The following C16orf96 variants were observed in gnomAD, a reference collection of about 807,000 sequenced individuals.
C16orf96 encodes uncharacterized protein C16orf96.
A neutral mutation model predicts 103.6 loss-of-function variants in C16orf96; 108 were observed. The observed-to-expected ratio is 1.04, with a 90% confidence interval of 0.89 to 1.22. C16orf96 has a LOEUF of 1.22. Among genes scored for constraint, C16orf96 ranks in the 50% most tolerant of loss-of-function variants. C16orf96 has a pLI of 0.00. For synonymous variants in C16orf96, 566 were observed against 593.5 expected, an observed-to-expected ratio of 0.95 and a Z score of 0.67; for missense variants, 1,586 against 1,464.2, an observed-to-expected ratio of 1.08 and a Z score of -1.36.
upstream of C16orf96, among the ~76,000 whole-genome samples, chr16:4,552,888 G>T (rs1596507991): frequency 6.6e-6 from 1 of 152,136 alleles, no homozygotes; most frequent in Non-Finnish European, 1.5e-5. Flanking sequence ...TGGTTACAGT[G>T]TTAACATTTA....
At chr16:4,598,731 C>T (rs529879322) in intron 14 of C16orf96, among the ~76,000 whole-genome samples, 184 of 152,336 alleles carry the variant, frequency 1.2e-3, no homozygotes, top group Non-Finnish European at 2.3e-3. Flanking sequence ...CTGTGTCTTA[C>T]TGTGCTGAAA....
Position 4,595,230 on chromosome 16 carries a change from G to A in C16orf96, c.3127+427G>A, listed in dbSNP as rs369612266. Among the ~76,000 whole-genome samples the A allele has an allele frequency of 2.6e-5, 4 of 152,172 alleles. No homozygotes were observed. The East Asian group carries it at 7.7e-4, about 29-fold the overall frequency. On this transcript the variant is annotated intron_variant, in intron 14 of 15. Coordinates refer to ENST00000444310, the MANE Select transcript of C16orf96 (RefSeq NM_001145011.2). The stretch of plus-strand genomic sequence containing the variant: ...AGGAGAGTGGTCGTGTGGCAGGAAC[G>A]GTGGGTGCAAAGGCCCTGTGGTGGG...
chr16:4,548,680 C>T, the C16orf96 span, among the ~76,000 whole-genome samples: 1 of 152,074 alleles, frequency 6.6e-6, no homozygotes, highest in Non-Finnish European at 1.5e-5. Context: ...TGAGACCAGC[C>T]TGGCCAACAT....
chr16:4,551,559 C>G (rs755061184), upstream of C16orf96, among the ~76,000 whole-genome samples: 62 of 152,084 alleles, frequency 4.1e-4, 1 homozygote, highest in Admixed American at 7.2e-4. Flanking sequence ...TCACGCCATT[C>G]TCTTGCCTCA....
chr16:4,575,911 G>A lies in C16orf96; in HGVS notation c.1431G>A (p.Gly477=). Reference sequence around the variant, plus strand: ...TTCGGGAGAGGGCCCGCAAGGATGGGGCCCCCAAGGATAGAACTCGCAAGG... The same window carrying A: ...TTCGGGAGAGGGCCCGCAAGGATGGAGCCCCCAAGGATAGAACTCGCAAGG... ...RGLRERARKD[G]APKDRTRKDG... Residue 477 remains glycine (G), a synonymous_variant, in exon 5 of 16, where the codon GGG becomes GGA. Transcript: ENST00000444310. The A allele has an allele frequency of 6.4e-7, 1 of 1,551,594 alleles. No individual in the cohort carries two copies. The highest frequency in any genetic ancestry group is 8.7e-7 in the Non-Finnish European group (1 of 1,146,992).
In C16orf96 at chr16:4,585,278, A is replaced by ACCCC. The variant is rs149402917; in HGVS notation, c.2353-1760_2353-1757dup. The stretch of plus-strand genomic sequence containing the variant: ...GATCAGCCTGAGGCAACATAGTGAG[A>ACCCC]CCCCTGTCTCTACAAAAAAAAAAAA... On this transcript the variant is annotated intron_variant, in intron 7 of 15. Coordinates refer to ENST00000444310, the MANE Select transcript of C16orf96 (RefSeq NM_001145011.2). 8.7e-3 allele frequency among the ~76,000 whole-genome samples: 932 copies of ACCCC among 106,560 alleles called. 6 individuals carry two copies. Among genetic ancestry groups the ACCCC allele is most frequent in the Middle Eastern group, 0.069 (8 of 116 alleles). 69.9% of individuals were successfully genotyped at this position (106,560 alleles called of 152,430 possible). A position where few individuals can be genotyped will look rare whatever the true frequency, so the allele number is the denominator to read the frequency against.
At chr16:4,587,208 C>T (rs1289732042) in intron 8 of C16orf96, 95 bp downstream of exon 8, 1 of 1,192,386 alleles carries the variant, frequency 8.4e-7, no homozygotes, top group Non-Finnish European at 1.2e-6. Context: ...TCCAGAATTT[C>T]CCTCCCCCTT....
upstream of C16orf96, among the ~76,000 whole-genome samples, chr16:4,551,745 CCT>C (rs2059229400): frequency 6.6e-6 from 1 of 152,160 alleles, no homozygotes; most frequent in African/African-American, 2.4e-5. Context: ...AGCCACCGCG[CCT>C]GGCCATTTGT....
Position 4,576,620 on chromosome 16 carries a change from C to A in C16orf96, c.2140C>A (p.Arg714Ser). ...CCAGCTGTCCTGTAACCTGAACCAGCGCTTGAGTTATCTAGGTAGGCCTGG... is the reference window on the plus strand; with the variant it reads ...CCAGCTGTCCTGTAACCTGAACCAGAGCTTGAGTTATCTAGGTAGGCCTGG... ...FAQLSCNLNQ[R>S]LSYLANMGGP... The change falls in exon 5 of 16, where the codon CGC (arginine) becomes AGC (serine). Residue 714 changes from arginine (R) to serine (S), a missense_variant. Transcript: ENST00000444310. The A allele has an allele frequency of 6.4e-7, 1 of 1,550,846 alleles. No individual in the cohort carries two copies. The highest frequency in any genetic ancestry group is 8.7e-7 in the Non-Finnish European group (1 of 1,146,606).
chr16:4,539,609 C>T, the C16orf96 span, among the ~76,000 whole-genome samples: 3 of 152,038 alleles, frequency 2.0e-5, no homozygotes, highest in Non-Finnish European at 4.4e-5. Flanking sequence ...TGCTTGAACC[C>T]GAGAGATGGA....
the C16orf96 span, among the ~76,000 whole-genome samples, chr16:4,540,337 G>A: frequency 6.6e-6 from 1 of 152,174 alleles, no homozygotes; most frequent in Middle Eastern, 3.2e-3. Context: ...TATTCTGGAA[G>A]GGCATTCCAG....
intron 5 of C16orf96, among the ~76,000 whole-genome samples, chr16:4,577,377 A>T (rs536135619): frequency 3.3e-4 from 50 of 152,104 alleles, no homozygotes; most frequent in African/African-American, 1.2e-3. Context: ...AAAATTTTTA[A>T]ACACTAGCTG....
chr16:4,575,881 G>A lies in C16orf96; in HGVS notation c.1401G>A (p.Arg467=), dbSNP rs1336973907. Residue 467 remains arginine (R), a synonymous_variant, in exon 5 of 16, where the codon AGG becomes AGA. Transcript: ENST00000444310. ...AGGAAAATGATGTCCCCAGCCTAAG[G>A]GGCCTTCGGGAGAGGGCCCGCAAGG... is the stretch of plus-strand genomic sequence containing the variant. ...KGEENDVPSL[R]GLRERARKDG... 3.9e-6 allele frequency: 6 copies of A among 1,551,554 alleles called. No individual in the cohort carries two copies. Among genetic ancestry groups the A allele is most frequent in the Non-Finnish European group, 5.2e-6 (6 of 1,146,984 alleles).
chr16:4,587,768 C>G (rs1282952783), intron 8 of C16orf96, among the ~76,000 whole-genome samples: 1 of 151,788 alleles, frequency 6.6e-6, no homozygotes, highest in Non-Finnish European at 1.5e-5. Flanking sequence ...GATCACATCT[C>G]TACAAAAAAA....
At chr16:4,558,483 C>T (rs189412416) in intron 1 of C16orf96, among the ~76,000 whole-genome samples, 15 of 152,142 alleles carry the variant, frequency 9.9e-5, no homozygotes, top group Non-Finnish European at 1.3e-4. Flanking sequence ...GGTGTGGTGG[C>T]GTCCACCTGT....
At chr16:4,560,814 A>G (rs1337029465) in intron 1 of C16orf96, 2 of 151,848 alleles carry the variant, frequency 1.3e-5, no homozygotes, top group Non-Finnish European at 2.9e-5. Flanking sequence ...TCCTGTCTCT[A>G]CGAAAAAAAG....
chr16:4,544,962 G>C, the C16orf96 span, among the ~76,000 whole-genome samples: 3 of 152,158 alleles, frequency 2.0e-5, no homozygotes, highest in African/African-American at 4.8e-5. Flanking sequence ...TCCTAGGATT[G>C]CACCCAAGAT....
chr16:4,575,300 C>T lies in C16orf96; in HGVS notation c.820C>T (p.Pro274Ser). The change falls in exon 5 of 16, where the codon CCC becomes TCC. Residue 274 changes from proline to serine, a missense_variant. By Grantham distance (74) the Pro-to-Ser change is moderately conservative (BLOSUM62 -1). Coordinates refer to ENST00000444310, the MANE Select transcript of C16orf96 (RefSeq NM_001145011.2). ...AIQVSEPVQNPQLLQTVWHYE... is the reference protein window; with the variant it reads ...AIQVSEPVQNSQLLQTVWHYE... ...CCAGGTCTCCGAGCCCGTCCAAAAC[C>T]CCCAGCTACTGCAGACTGTCTGGCA... The T allele has an allele frequency of 6.4e-7, 1 of 1,551,220 alleles. No homozygotes were observed.
intron 1 of C16orf96, among the ~76,000 whole-genome samples, chr16:4,570,358 G>A (rs1567442675): frequency 6.6e-6 from 1 of 151,928 alleles, no homozygotes; most frequent in Non-Finnish European, 1.5e-5. Context: ...TTTTATAAAG[G>A]GCTCTGTTAA....
Sources: gnomAD v4.1 joint callset for allele counts (sites outside exome capture counted in the v4.1 genomes callset) on GRCh38, gnomAD v4.1.1 for gene constraint, MANE v1.5 for transcripts, NCBI Gene and HGNC (gene_info 2026-07-23, HGNC 2026-07-21) for gene names.